Variants in FRZB observed in about 807,000 individuals in gnomAD.
FRZB encodes the protein frizzled related protein.
In FRZB, 34 loss-of-function variants were observed where a neutral mutation model predicts 32.5. That is an observed-to-expected ratio of 1.05 (90% CI 0.80 to 1.39). The LOEUF (loss-of-function observed/expected upper bound fraction) is 1.39. FRZB is among the 40% of genes most tolerant of loss of function. The pLI is 0.00. For missense variants in FRZB, 423 were observed against 424.8 expected, an observed-to-expected ratio of 1.00 and a Z score of 0.04; for synonymous variants, 170 against 159.2, an observed-to-expected ratio of 1.07 and a Z score of -0.51.
chr2:182,841,146 A>G (rs1442903351), intron 3 of FRZB, among the ~76,000 whole-genome samples: 4 of 152,076 alleles, frequency 2.6e-5, no homozygotes, highest in Admixed American at 2.0e-4. Flanking sequence ...TAAGCTTACA[A>G]ACTTAGAAAG....
intron 1 of FRZB, among the ~76,000 whole-genome samples, chr2:182,862,815 C>T (rs1352776710): frequency 1.3e-5 from 2 of 151,368 alleles, no homozygotes; most frequent in African/African-American, 2.4e-5. Context: ...GTCGCTCAGT[C>T]TGGAGTGCAG....
intron 5 of FRZB, among the ~76,000 whole-genome samples, chr2:182,836,202 CATA>C (rs1392734837): frequency 6.6e-6 from 1 of 151,884 alleles, no homozygotes. Context: ...ATGAAAAAAA[CATA>C]ATAATGTTTC....
intron 2 of FRZB, among the ~76,000 whole-genome samples, chr2:182,855,918 A>T (rs1007989046): frequency 1.3e-5 from 2 of 152,156 alleles, no homozygotes; most frequent in African/African-American, 4.8e-5. Context: ...TGTATTACTT[A>T]CAGGGAAACA....
At chr2:182,836,624 G>T (rs1323472299) in intron 5 of FRZB, among the ~76,000 whole-genome samples, 1 of 152,030 alleles carries the variant, frequency 6.6e-6, no homozygotes, top group African/African-American at 2.4e-5. Flanking sequence ...AGTAAGCCTT[G>T]TTACATGCTT....
At chr2:182,835,450 G>A (rs1358322058) in intron 5 of FRZB, among the ~76,000 whole-genome samples, 3 of 151,944 alleles carry the variant, frequency 2.0e-5, no homozygotes, top group African/African-American at 4.8e-5. Flanking sequence ...TGAGGGATGG[G>A]GGGGTCTCAA....
At chr2:182,842,318 T>C (rs1695595241) in intron 3 of FRZB, among the ~76,000 whole-genome samples, 160 bp downstream of exon 3, 1 of 152,110 alleles carries the variant, frequency 6.6e-6, no homozygotes, top group South Asian at 2.1e-4. Context: ...ACATTTTAAT[T>C]GGTCGGGGCA....
At chr2:182,836,977 T>C (rs1695532277) in intron 5 of FRZB, among the ~76,000 whole-genome samples, 1 of 151,986 alleles carries the variant, frequency 6.6e-6, no homozygotes, top group Non-Finnish European at 1.5e-5. Flanking sequence ...ATGTATAAGA[T>C]AAACCGCCCA....
At chr2:182,851,905 C>T (rs1410402856) in intron 2 of FRZB, among the ~76,000 whole-genome samples, 2 of 151,968 alleles carry the variant, frequency 1.3e-5, no homozygotes, top group Non-Finnish European at 2.9e-5. Context: ...CTGTCTATAG[C>T]TGAGGGACAA....
intron 3 of FRZB, among the ~76,000 whole-genome samples, chr2:182,841,720 G>T (rs768236459): frequency 6.6e-6 from 1 of 152,002 alleles, no homozygotes; most frequent in Non-Finnish European, 1.5e-5. Context: ...AGCATCCAAA[G>T]TACATTGTGA....
chr2:182,864,919 T>A (rs765475153), intron 1 of FRZB, among the ~76,000 whole-genome samples: 1 of 152,076 alleles, frequency 6.6e-6, no homozygotes, highest in Non-Finnish European at 1.5e-5. Context: ...TGAAAAAAAA[T>A]TGCCTTCTTT....
In FRZB at chr2:182,858,827, G is replaced by T; in HGVS notation, c.485C>A (p.Pro162His). The change falls in exon 2 of 6, where the codon CCT becomes CAT. Residue 162 changes from proline to histidine, a missense_variant. Transcript: ENST00000295113. ...ACAGTTTCCGTTACTAGAATCCATA[G>T]GAAAATCTGAAAGGAGGTGACAGAA... ...AIVTADGADFPMDSSNGNCRG... is the reference protein window; with the variant it reads ...AIVTADGADFHMDSSNGNCRG... 1.2e-6 allele frequency: 2 copies of T among 1,608,792 alleles called. No individual in the cohort carries two copies. The highest frequency in any genetic ancestry group is 2.2e-5 in the East Asian group (1 of 44,782).
intron 4 of FRZB, 63 bp downstream of exon 4, chr2:182,838,346 G>A: frequency 7.3e-7 from 1 of 1,367,472 alleles, no homozygotes; most frequent in African/African-American, 1.4e-5. Flanking sequence ...CATCTCTAGA[G>A]ACAAATTTAA....
chr2:182,866,275 G>C lies in FRZB; in HGVS notation c.278C>G (p.Ala93Gly). The C allele has an allele frequency of 6.2e-7, 1 of 1,614,212 alleles. No individual in the cohort carries two copies. The highest frequency in any genetic ancestry group is 8.5e-7 in the Non-Finnish European group (1 of 1,180,044). ...DLLFFLCAMY[A>G]PICTIDFQHE... is the part of the protein sequence containing the mutation. Reference sequence around the variant, plus strand: ...CTGGAAGTCAATGGTGCAGATGGGCGCGTACATGGCACAGAGGAAGAAGAG... The same window carrying C: ...CTGGAAGTCAATGGTGCAGATGGGCCCGTACATGGCACAGAGGAAGAAGAG... Residue 93 changes from alanine (A) to glycine (G), a missense_variant, in exon 1 of 6, where the codon GCG becomes GGG. Physicochemically the swap from Ala to Gly is moderately conservative, Grantham distance 60 (BLOSUM62 0). Transcript: ENST00000295113. The surrounding 1 kb of genome is among the most constrained non-coding windows in gnomAD (Gnocchi z 4.5).
At chr2:182,858,712 G>A (rs1695797977) in intron 2 of FRZB, 74 bp downstream of exon 2, 3 of 1,071,482 alleles carry the variant, frequency 2.8e-6, no homozygotes, top group Non-Finnish European at 2.8e-6. Context: ...CCCCATGAAT[G>A]ACTTAAGTAT....
At chr2:182,847,181 A>G (rs1355956163) in intron 2 of FRZB, among the ~76,000 whole-genome samples, 1 of 152,236 alleles carries the variant, frequency 6.6e-6, no homozygotes, top group African/African-American at 2.4e-5. Flanking sequence ...ACATGAAATT[A>G]AAACACAATG....
intron 5 of FRZB, among the ~76,000 whole-genome samples, chr2:182,835,715 G>C (rs1695517715): frequency 6.6e-6 from 1 of 151,982 alleles, no homozygotes. Flanking sequence ...ATATCATATG[G>C]GGAATTTGTT....
intron 2 of FRZB, among the ~76,000 whole-genome samples, chr2:182,858,067 A>G (rs1695790612): frequency 6.6e-6 from 1 of 152,222 alleles, no homozygotes; most frequent in Non-Finnish European, 1.5e-5. Context: ...ACAAAATTGA[A>G]CAGCCATCTT....
At position 182,866,215 on chromosome 2, in the gene FRZB, T is replaced by C. The variant is rs1017228404; in HGVS notation, c.338A>G (p.Glu113Gly). 6.2e-7 allele frequency: 1 copy of C among 1,614,148 alleles called. No individual in the cohort carries two copies. The highest frequency in any genetic ancestry group is 1.3e-5 in the African/African-American group (1 of 75,044). Residue 113 changes from glutamate (E) to glycine (G), a missense_variant, in exon 1 of 6, where the codon GAG (glutamate) becomes GGG (glycine). Transcript: ENST00000295113. The surrounding 1 kb of genome is among the most constrained non-coding windows in gnomAD (Gnocchi z 4.5). ...EPIKPCKSVCERARQGCEPIL... is the reference protein window; with the variant it reads ...EPIKPCKSVCGRARQGCEPIL... ...GGGCTCACAGCCCTGCCGGGCCCGC[T>C]CGCACACAGACTTACAGGGCTTGAT...
At chr2:182,835,593 A>G (rs1695515902) in intron 5 of FRZB, among the ~76,000 whole-genome samples, 1 of 152,146 alleles carries the variant, frequency 6.6e-6, no homozygotes, top group South Asian at 2.1e-4. Flanking sequence ...AATATTTCAT[A>G]TTAACAATGT....
Sources: allele counts gnomAD v4.1 joint callset (sites outside exome capture counted in the v4.1 genomes callset), GRCh38; gene constraint gnomAD v4.1.1; non-coding constraint Gnocchi (gnomAD v3.1); transcripts MANE v1.5; gene names NCBI Gene and HGNC (gene_info 2026-07-23, HGNC 2026-07-21).